ARAP3: variants seen among roughly 807,000 people sequenced by gnomAD.
ARAP3 encodes ArfGAP with RhoGAP domain, ankyrin repeat and PH domain 3.
In ARAP3, 82 loss-of-function variants were observed where a neutral mutation model predicts 169.2. That is an observed-to-expected ratio of 0.48 (90% CI 0.41 to 0.58). The LOEUF (loss-of-function observed/expected upper bound fraction) is 0.58. ARAP3 is among the 20% of genes least tolerant of loss of function. ARAP3 has a pLI of 0.00. For synonymous variants in ARAP3, 791 were observed against 800.3 expected, an observed-to-expected ratio of 0.99 and a Z score of 0.20; for missense variants, 1,764 against 2,018.0, an observed-to-expected ratio of 0.87 and a Z score of 2.41.
rs557347831 is a variant in ARAP3 at position 141,659,284 on chromosome 5, A to G, written c.3336+124T>C. On this transcript the variant is annotated intron_variant, in intron 23 of 32. Transcript: ENST00000239440. ...TCTCATTGGGTTCCCCCTGTCTCCCAAAGAGCTGAGTGCTAGTGTCCAGAA... is the reference window on the plus strand; with the variant it reads ...TCTCATTGGGTTCCCCCTGTCTCCCGAAGAGCTGAGTGCTAGTGTCCAGAA... 3 of 889,228 alleles carry G rather than the reference A, an allele frequency of 3.4e-6. No homozygotes were observed. In the South Asian group the frequency reaches 4.5e-5, roughly 13 times the overall value. The allele number at this position is 889,228 out of a possible 1,614,324, so 55.1% of individuals were successfully genotyped here.
In ARAP3 at chr5:141,673,817, G is replaced by A. The variant is rs761074729; in HGVS notation, c.699-9C>T. ...GATCCTGTCTGCTGAGCCTTGTGGG[G>A]GCCAAGACAGGGAGGGACACACATT... On this transcript the variant is annotated splice_polypyrimidine_tract_variant and intron_variant, in intron 4 of 32. Coordinates refer to ENST00000239440, the MANE Select transcript of ARAP3 (RefSeq NM_022481.6). The A allele has an allele frequency of 1.2e-6, 2 of 1,613,394 alleles. No homozygotes were observed. Among genetic ancestry groups the A allele is most frequent in the South Asian group, 1.1e-5 (1 of 91,048 alleles).
chr5:141,679,683 AG>A lies in ARAP3; in HGVS notation c.587-28del, dbSNP rs751887319. On this transcript the variant is annotated intron_variant, in intron 3 of 32. Coordinates refer to ENST00000239440, the MANE Select transcript of ARAP3 (RefSeq NM_022481.6). ...TGGCAGGAGGAGAGGGGAACGCACA[AG>A]GAAGAGGAGATCGCTGGGAGTGTAT... 5 of 1,613,912 alleles carry A rather than the reference AG, an allele frequency of 3.1e-6. No homozygotes were observed. In the South Asian group the frequency reaches 5.5e-5, roughly 18 times the overall value.
chr5:141,675,907 C>T (rs899722831), intron 4 of ARAP3, among the ~76,000 whole-genome samples: 15 of 152,112 alleles, frequency 9.9e-5, no homozygotes, highest in Non-Finnish European at 2.1e-4. Flanking sequence ...AATAAACACT[C>T]GTGTCTAAAG....
In ARAP3 at chr5:141,661,226, G is replaced by C. The variant is rs141728705; in HGVS notation, c.3119+458C>G. ...TTACTGGTATGTACCACCATGCCAGGCTAATTTTTGTATTTTTAGTAGAGG... is the reference window on the plus strand; with the variant it reads ...TTACTGGTATGTACCACCATGCCAGCCTAATTTTTGTATTTTTAGTAGAGG... On this transcript the variant is annotated intron_variant, in intron 21 of 32. Transcript: ENST00000239440. 7.3e-3 allele frequency among the ~76,000 whole-genome samples: 1,110 copies of C among 152,016 alleles called. 10 individuals are homozygous for C. Among genetic ancestry groups the C allele is most frequent in the African/African-American group, 0.025 (1,036 of 41,482 alleles).
chr5:141,655,034 C>T (rs141266939), intron 32 of ARAP3, among the ~76,000 whole-genome samples: 5 of 152,062 alleles, frequency 3.3e-5, no homozygotes, highest in Admixed American at 6.6e-5. Context: ...CCACTGTGCC[C>T]GACCTTTCTC....
chr5:141,659,621 GGGA>G (rs1240101596), intron 22 of ARAP3, 145 bp from the exon 23 acceptor site: 5 of 1,315,418 alleles, frequency 3.8e-6, no homozygotes, highest in Non-Finnish European at 5.3e-6. Flanking sequence ...GTGAAGTTGT[GGGA>G]GAAGAAGGGC....
chr5:141,653,599 T>C lies in ARAP3; in HGVS notation c.*351A>G, dbSNP rs2099908804. On this transcript the variant is annotated 3_prime_UTR_variant, in exon 33 of 33. Coordinates refer to ENST00000239440, the MANE Select transcript of ARAP3 (RefSeq NM_022481.6). ...TCTTTAATGCAGTAAAACCATTCCT[T>C]TAAAACCCAAAATCTCTCATGGAAC... The C allele has an allele frequency of 5.4e-6, 1 of 184,472 alleles. No homozygotes were observed. Among genetic ancestry groups the C allele is most frequent in the African/African-American group, 2.3e-5 (1 of 42,600 alleles). 11.4% of individuals were successfully genotyped at this position (184,472 alleles called of 1,614,324 possible).
chr5:141,655,898 C>A lies in ARAP3; in HGVS notation c.3943G>T (p.Asp1315Tyr). 1 of 1,613,980 alleles carries A rather than the reference C, an allele frequency of 6.2e-7. No homozygotes were observed. The highest frequency in any genetic ancestry group is 8.5e-7 in the Non-Finnish European group (1 of 1,179,920). Residue 1315 changes from aspartate (D) to tyrosine (Y), a missense_variant, in exon 30 of 33, where the codon GAT (aspartate) becomes TAT (tyrosine). Asp to Tyr is a radical substitution (Grantham distance 160, BLOSUM62 -3). Transcript: ENST00000239440. ...GCTTTAAGGATGCTGGTGGTCCAAT[C>A]CCACATTTCATCCTCGTCAGTGCAG... ...LSCTDEDEMWDWTTSILKAQH... is the reference protein window; with the variant it reads ...LSCTDEDEMWYWTTSILKAQH...
chr5:141,679,570 C>T lies in ARAP3; in HGVS notation c.673G>A (p.Val225Ile), dbSNP rs371930975. Residue 225 changes from valine (V) to isoleucine (I), a missense_variant, in exon 4 of 33, where the codon GTT (valine) becomes ATT (isoleucine). This residue lies in a region of ARAP3 where 630 missense variants were observed against 678.7 expected (regional missense o/e 0.93). Transcript: ENST00000239440. ...CTGTGTTCAGCCCTGCCCTGACAAA[C>T]ACCTCTGCTCTCTCTTCTGTCGGGG... ...GAPDRRESRGVCQGRAEHRLS... is the reference protein window; with the variant it reads ...GAPDRRESRGICQGRAEHRLS... The T allele has an allele frequency of 8.7e-6, 14 of 1,614,088 alleles. No individual in the cohort carries two copies. In the African/African-American group the frequency reaches 1.6e-4, roughly 18 times the overall value.
At chr5:141,674,395 A>G (rs1417536375) in intron 4 of ARAP3, among the ~76,000 whole-genome samples, 1 of 152,086 alleles carries the variant, frequency 6.6e-6, no homozygotes, top group Non-Finnish European at 1.5e-5. Flanking sequence ...GACTACAGGC[A>G]TGTGCTGGCC....
At position 141,666,584 on chromosome 5, in the gene ARAP3, G is replaced by A. The variant is rs772633104; in HGVS notation, c.2412C>T (p.Arg804=). Residue 804 remains arginine, a synonymous_variant, in exon 17 of 33, where the codon CGC becomes CGT. Transcript: ENST00000239440. The part of the protein sequence containing the change: ...LLGPGLLRLG[R]LWLRSPSHTA... ...TATGGGAGGGGGACCGCAGCCATAG[G>A]CGGCCCAGCCGCAGCAGCCCGGGGC... The A allele has an allele frequency of 2.0e-6, 3 of 1,532,820 alleles. No individual in the cohort carries two copies. The highest frequency in any genetic ancestry group is 2.4e-5 in the East Asian group (1 of 41,074). 95.0% of individuals were successfully genotyped at this position (1,532,820 alleles called of 1,614,324 possible).
chr5:141,678,923 G>A lies in ARAP3; in HGVS notation c.698+622C>T, dbSNP rs2099912588. Among the ~76,000 whole-genome samples, 3 of 152,344 alleles carry A rather than the reference G, an allele frequency of 2.0e-5. No homozygotes were observed. The South Asian group carries it at 6.2e-4, about 32-fold the overall frequency. ...AAGGGCAGGGATTTCTGTGTACGCTGATCTATCCCAAGCATCTACATCCGG... is the reference window on the plus strand; with the variant it reads ...AAGGGCAGGGATTTCTGTGTACGCTAATCTATCCCAAGCATCTACATCCGG... On this transcript the variant is annotated intron_variant, in intron 4 of 32. Transcript: ENST00000239440.
At chr5:141,661,923 G>A in intron 20 of ARAP3, 120 bp downstream of exon 20, 1 of 1,504,890 alleles carries the variant, frequency 6.6e-7, no homozygotes, top group Non-Finnish European at 9.2e-7. Flanking sequence ...CCTGAGCCAA[G>A]TCTCTGGATG....
chr5:141,667,325 A>G (rs1050283553), intron 16 of ARAP3, among the ~76,000 whole-genome samples: 44 of 152,196 alleles, frequency 2.9e-4, no homozygotes, highest in African/African-American at 1.1e-3. Flanking sequence ...GTTGACTGCA[A>G]AGCAGTGCTT....
intron 23 of ARAP3, 133 bp downstream of exon 23, chr5:141,659,275 C>T: frequency 1.3e-6 from 1 of 798,200 alleles, no homozygotes; most frequent in Non-Finnish European, 2.1e-6. Flanking sequence ...TGGGTTCCCC[C>T]TGTCTCCCAA....
chr5:141,655,195 A>ACACACT, intron 32 of ARAP3, among the ~76,000 whole-genome samples, 167 bp downstream of exon 32: 1 of 129,774 alleles, frequency 7.7e-6, no homozygotes, highest in Admixed American at 8.2e-5. Context: ...ACACACACAC[A>ACACACT]CACACACACA....
chr5:141,659,346 C>G, intron 23 of ARAP3, 62 bp downstream of exon 23: 1 of 1,508,974 alleles, frequency 6.6e-7, no homozygotes, highest in East Asian at 2.3e-5. Flanking sequence ...GGCAGAAAGT[C>G]AGCTTCCTGT....
intron 19 of ARAP3, among the ~76,000 whole-genome samples, chr5:141,662,769 A>C (rs776998942): frequency 5.9e-5 from 9 of 152,176 alleles, no homozygotes; most frequent in Admixed American, 3.9e-4. Flanking sequence ...CACTGTTTAA[A>C]ATGGCCCAAG....
In ARAP3 at chr5:141,655,711, G is replaced by A. The variant is rs756729270; in HGVS notation, c.4020C>T (p.Asp1340=). The A allele has an allele frequency of 1.2e-5, 20 of 1,614,198 alleles. No individual in the cohort carries two copies. In the South Asian group the frequency reaches 1.8e-4, roughly 14 times the overall value. The change falls in exon 31 of 33, where the codon GAC becomes GAT. Residue 1340 remains aspartate (D), a synonymous_variant. Coordinates refer to ENST00000239440, the MANE Select transcript of ARAP3 (RefSeq NM_022481.6). ...PVVLRRHSSS[D]LARQKFGTMP... is the part of the protein sequence containing the mutation. ...TAGTGCCAAACTTCTGACGGGCAAG[G>A]TCAGAGGAGGAATGGCGTCGTAAGA...
Sources: allele counts gnomAD v4.1 joint callset (sites outside exome capture counted in the v4.1 genomes callset), GRCh38; gene constraint gnomAD v4.1.1; regional missense constraint gnomAD v4.1.1; transcripts MANE v1.5; gene names NCBI Gene and HGNC (gene_info 2026-07-23, HGNC 2026-07-21).